Variants in FER observed in about 807,000 individuals in gnomAD.
FER encodes the protein FER tyrosine kinase.
Under a neutral mutation model 111.0 loss-of-function variants are expected in FER, and 63 were observed. That is an observed-to-expected ratio of 0.57 (90% CI 0.46 to 0.70). The LOEUF is 0.70. Ranked by LOEUF, FER falls within the 30% of genes least tolerant of loss-of-function variation. FER has a pLI of 0.00. For missense variants in FER, 914 were observed against 954.0 expected (o/e 0.96, Z 0.55); for synonymous variants, 327 against 313.9 (o/e 1.04, Z -0.44).
intron 17 of FER, among the ~76,000 whole-genome samples, chr5:109,148,538 G>A (rs1021197359): frequency 2.0e-5 from 3 of 152,090 alleles, no homozygotes; most frequent in African/African-American, 7.2e-5. Flanking sequence ...CCAAAGTTTA[G>A]TTATTCTATT....
intron 13 of FER, among the ~76,000 whole-genome samples, chr5:108,968,341 C>A (rs1398721341): frequency 6.6e-6 from 1 of 152,056 alleles, no homozygotes; most frequent in East Asian, 1.9e-4. Context: ...GAGCCAAGAT[C>A]ATGCCACTGC....
rs201077364 is a variant in FER, at chr5:109,060,745, G to A, written c.1924+13547G>A. 7.6e-5 allele frequency among the ~76,000 whole-genome samples: 11 copies of A among 144,538 alleles called. No homozygotes were observed. The East Asian group carries it at 2.0e-3, about 26-fold the overall frequency. The allele number at this position is 144,538 out of a possible 152,430, so 94.8% of individuals were successfully genotyped here. On this transcript the variant is annotated intron_variant, in intron 16 of 19. Coordinates refer to ENST00000281092, the MANE Select transcript of FER (RefSeq NM_005246.4). ...TATTAAATGTACTGTGATTGTGTGT[G>A]TGTGCGTATGTGTGGTGTGTGTGTG...
At chr5:109,092,064 G>T (rs1156845489) in intron 16 of FER, among the ~76,000 whole-genome samples, 1 of 151,824 alleles carries the variant, frequency 6.6e-6, no homozygotes, top group East Asian at 1.9e-4. Flanking sequence ...TACCAGCTTG[G>T]AATCAAAGAT....
At chr5:109,162,901 TAC>T (rs1256828715) in intron 17 of FER, among the ~76,000 whole-genome samples, 2 of 151,994 alleles carry the variant, frequency 1.3e-5, no homozygotes, top group Non-Finnish European at 2.9e-5. Flanking sequence ...AATTTTAAGG[TAC>T]AGTTTGATGA....
chr5:108,882,946 C>T (rs1354366790), intron 8 of FER, among the ~76,000 whole-genome samples: 1 of 151,820 alleles, frequency 6.6e-6, no homozygotes, highest in Non-Finnish European at 1.5e-5. Context: ...TTTAAAATGA[C>T]AAATAACTGA....
At chr5:108,868,736 A>C (rs1764318795) in intron 6 of FER, among the ~76,000 whole-genome samples, 1 of 152,090 alleles carries the variant, frequency 6.6e-6, no homozygotes, top group African/African-American at 2.4e-5. Flanking sequence ...GGTGGAGTTA[A>C]AATTCAAAAA....
intron 10 of FER, among the ~76,000 whole-genome samples, chr5:108,900,459 A>G (rs1749845316): frequency 6.6e-6 from 1 of 152,270 alleles, no homozygotes; most frequent in African/African-American, 2.4e-5. Flanking sequence ...TGGAATTCAC[A>G]TAAGTGGTTC....
intron 13 of FER, among the ~76,000 whole-genome samples, chr5:109,022,555 C>G (rs1581689196): frequency 6.6e-6 from 1 of 152,004 alleles, no homozygotes; most frequent in Non-Finnish European, 1.5e-5. Flanking sequence ...GATTTGTTGA[C>G]TTGATATGTA....
At chr5:109,055,539 C>CA (rs1343255426) in intron 16 of FER, among the ~76,000 whole-genome samples, 38 of 152,130 alleles carry the variant, frequency 2.5e-4, no homozygotes, top group African/African-American at 8.9e-4. Context: ...GTAATCCCAG[C>CA]ACTTTGGGAG....
chr5:108,971,468 T>G (rs550597440), intron 13 of FER, among the ~76,000 whole-genome samples: 89 of 152,260 alleles, frequency 5.8e-4, no homozygotes, highest in African/African-American at 2.0e-3. Context: ...AGTTAGCTAA[T>G]TTCATGATTA....
In FER at chr5:108,868,094, A is replaced by G; in HGVS notation, c.665+144A>G. ...CAGACCTTGATTCTTCTTGATTTTCACTTTTCATGTCCCTTCAGTTTGTGC... is the reference window on the plus strand; with the variant it reads ...CAGACCTTGATTCTTCTTGATTTTCGCTTTTCATGTCCCTTCAGTTTGTGC... On this transcript the variant is annotated intron_variant, in intron 6 of 19. Transcript: ENST00000281092. 4 of 725,032 alleles carry G rather than the reference A, an allele frequency of 5.5e-6. No homozygotes were observed. The Admixed American group carries it at 9.7e-5, about 18-fold the overall frequency. The allele number at this position is 725,032 out of a possible 1,614,324, so 44.9% of individuals were successfully genotyped here. A position where few individuals can be genotyped will look rare whatever the true frequency, so the allele number is the denominator to read the frequency against.
At chr5:108,961,228 A>C (rs560698873) in intron 13 of FER, among the ~76,000 whole-genome samples, 1 of 152,358 alleles carries the variant, frequency 6.6e-6, no homozygotes, top group South Asian at 2.1e-4. Context: ...ATAGGATTTC[A>C]GAGATACTGA....
At chr5:109,003,695 T>C (rs1765125153) in intron 13 of FER, among the ~76,000 whole-genome samples, 1 of 152,142 alleles carries the variant, frequency 6.6e-6, no homozygotes, top group Non-Finnish European at 1.5e-5. Context: ...ATTAAAAAAT[T>C]ATAGCCAGGC....
At chr5:108,798,486 A>C (rs1337617107) in intron 3 of FER, 97 bp downstream of exon 3, 1 of 917,742 alleles carries the variant, frequency 1.1e-6, no homozygotes, top group East Asian at 2.6e-5. Context: ...TTAAGTCAGC[A>C]TTCTAAAGCA....
chr5:108,819,610 G>A (rs1758635995), intron 3 of FER, among the ~76,000 whole-genome samples: 1 of 152,150 alleles, frequency 6.6e-6, no homozygotes. Context: ...ATATTAATAA[G>A]TGAAGCCCCA....
chr5:108,914,794 G>A (rs1752042894), intron 10 of FER, among the ~76,000 whole-genome samples: 3 of 152,322 alleles, frequency 2.0e-5, no homozygotes, highest in Admixed American at 2.0e-4. Context: ...TCACAAATTT[G>A]TGTAAGCCTA....
chr5:108,877,416 A>T (rs1035470460), intron 8 of FER, among the ~76,000 whole-genome samples: 1 of 152,192 alleles, frequency 6.6e-6, no homozygotes, highest in Non-Finnish European at 1.5e-5. Flanking sequence ...TTGGAGGTGG[A>T]TTAAGTGGGT....
At chr5:108,835,836 T>G in intron 5 of FER, 29 bp downstream of exon 5, 1 of 1,276,448 alleles carries the variant, frequency 7.8e-7, no homozygotes, top group Non-Finnish European at 1.1e-6. Flanking sequence ...AATTGTTTAC[T>G]TAGGTGATTT....
At chr5:109,067,790 C>T (rs1775294260) in intron 16 of FER, among the ~76,000 whole-genome samples, 2 of 151,940 alleles carry the variant, frequency 1.3e-5, no homozygotes. Context: ...CATGAACATT[C>T]CCAAAAATTT....
Sources: gnomAD v4.1 joint callset for allele counts (sites outside exome capture counted in the v4.1 genomes callset) on GRCh38, gnomAD v4.1.1 for gene constraint, MANE v1.5 for transcripts, NCBI Gene and HGNC (gene_info 2026-07-23, HGNC 2026-07-21) for gene names.